Variants in NCALD observed in about 807,000 individuals in gnomAD.
NCALD encodes the protein neurocalcin-delta.
Under a neutral mutation model 18.6 loss-of-function variants are expected in NCALD, and 10 were observed. The observed-to-expected ratio is 0.54, with a 90% CI of 0.33 to 0.91. NCALD has a LOEUF of 0.91. NCALD is among the 40% of genes least tolerant of loss of function. The pLI is 0.03. For missense variants in NCALD, 184 were observed against 247.6 expected, an observed-to-expected ratio of 0.74 and a Z score of 1.72; for synonymous variants, 88 against 87.4, an observed-to-expected ratio of 1.01 and a Z score of -0.04.
chr8:102,080,115 G>C (rs551570895), intron 1 of NCALD, among the ~76,000 whole-genome samples: 5 of 152,038 alleles, frequency 3.3e-5, no homozygotes, highest in African/African-American at 4.8e-5. Context: ...AAAAAAATCC[G>C]CCCAAGGAAA....
chr8:102,084,810 A>C (rs912635027), intron 1 of NCALD, among the ~76,000 whole-genome samples: 3 of 152,296 alleles, frequency 2.0e-5, no homozygotes, highest in South Asian at 2.1e-4. Flanking sequence ...CTATTGGAAG[A>C]CTGCCTTTCC....
At chr8:101,778,430 A>T (rs183791691) in intron 1 of NCALD, among the ~76,000 whole-genome samples, 1 of 152,316 alleles carries the variant, frequency 6.6e-6, no homozygotes, top group East Asian at 1.9e-4. Flanking sequence ...GAGCAACAGA[A>T]CATCTGATAC....
At chr8:101,810,412 A>G (rs1369923276) in intron 4 of NCALD, among the ~76,000 whole-genome samples, 1 of 152,200 alleles carries the variant, frequency 6.6e-6, no homozygotes, top group Non-Finnish European at 1.5e-5. Context: ...AATAATTAAG[A>G]AATGTGCTAT....
intron 1 of NCALD, among the ~76,000 whole-genome samples, chr8:101,754,848 TTGAATGAATGAA>T (rs758322183): frequency 6.6e-6 from 1 of 151,892 alleles, no homozygotes; most frequent in Non-Finnish European, 1.5e-5. Flanking sequence ...CATATGTTTA[TTGAATGAATGAA>T]TGAATGAATA....
intron 2 of NCALD, among the ~76,000 whole-genome samples, chr8:101,922,262 A>G (rs917901674): frequency 5.9e-5 from 9 of 152,148 alleles, no homozygotes; most frequent in Non-Finnish European, 1.2e-4. Flanking sequence ...CTGACCTATG[A>G]TAGAACCCTG....
intron 1 of NCALD, among the ~76,000 whole-genome samples, chr8:102,095,914 G>T (rs1390154645): frequency 1.3e-5 from 2 of 152,156 alleles, no homozygotes; most frequent in African/African-American, 4.8e-5. Flanking sequence ...TCTTGCCAAA[G>T]CTTCTCTCTT....
chr8:102,009,649 T>A (rs1319277192), intron 2 of NCALD, among the ~76,000 whole-genome samples: 8 of 152,232 alleles, frequency 5.3e-5, no homozygotes, highest in Non-Finnish European at 1.0e-4. Context: ...TAAGAGAAGT[T>A]TTGAAGATCA....
chr8:101,830,768 T>G (rs1192716046), intron 4 of NCALD, among the ~76,000 whole-genome samples: 3 of 146,952 alleles, frequency 2.0e-5, no homozygotes, highest in Non-Finnish European at 4.5e-5. Context: ...TTAGACGGAG[T>G]CTGGCTCTGT....
chr8:102,121,909 T>G (rs1435497065), intron 1 of NCALD, among the ~76,000 whole-genome samples: 1 of 152,242 alleles, frequency 6.6e-6, no homozygotes, highest in Non-Finnish European at 1.5e-5. Context: ...ATTCTCTGTG[T>G]TTGATTCTGG....
At chr8:102,044,391 C>G (rs1823164358) in intron 1 of NCALD, among the ~76,000 whole-genome samples, 1 of 150,096 alleles carries the variant, frequency 6.7e-6, no homozygotes, top group African/African-American at 2.5e-5. Context: ...CTTAGCATAA[C>G]TTCTACAGGC....
chr8:101,739,736 A>G (rs1810103096), intron 1 of NCALD, among the ~76,000 whole-genome samples: 1 of 152,192 alleles, frequency 6.6e-6, no homozygotes, highest in Non-Finnish European at 1.5e-5. Context: ...CTTCAGCCAC[A>G]GACTGAAGGG....
At chr8:102,033,559 A>G (rs900239583) in intron 1 of NCALD, among the ~76,000 whole-genome samples, 90 of 152,300 alleles carry the variant, frequency 5.9e-4, no homozygotes, top group African/African-American at 2.0e-3. Flanking sequence ...TCAGCAGCAG[A>G]AACAAGAATG....
chr8:101,720,818 C>CT (rs576585846), intron 1 of NCALD, among the ~76,000 whole-genome samples: 5 of 152,228 alleles, frequency 3.3e-5, no homozygotes, highest in Non-Finnish European at 7.3e-5. Flanking sequence ...TAGAGACAAA[C>CT]TGCCTCAACA....
At chr8:102,060,486 C>A (rs1823811835) in intron 1 of NCALD, among the ~76,000 whole-genome samples, 1 of 152,132 alleles carries the variant, frequency 6.6e-6, no homozygotes, top group Non-Finnish European at 1.5e-5. Flanking sequence ...TAATTTCCTT[C>A]CTCCCTTCCC....
intron 2 of NCALD, among the ~76,000 whole-genome samples, chr8:102,008,916 C>CAACA (rs1821804749): frequency 4.7e-5 from 1 of 21,182 alleles, no homozygotes; most frequent in Admixed American, 4.2e-4. Flanking sequence ...CCCCGCCCCC[C>CAACA]TACACACACA....
At chr8:101,942,164 T>C (rs11778653) in intron 2 of NCALD, among the ~76,000 whole-genome samples, 67,067 of 151,772 alleles carry the variant, frequency 0.44, 15,113 homozygotes, top group Admixed American at 0.51. Flanking sequence ...GTGACACCCA[T>C]TCTCGGAACT....
At chr8:101,892,623 T>C (rs1485301171) in intron 3 of NCALD, among the ~76,000 whole-genome samples, 10 of 149,144 alleles carry the variant, frequency 6.7e-5, no homozygotes, top group Non-Finnish European at 1.2e-4. Flanking sequence ...GAAAAAAATA[T>C]AGAAGAATGT....
At chr8:102,058,326 T>G (rs995252446) in intron 1 of NCALD, among the ~76,000 whole-genome samples, 1 of 152,202 alleles carries the variant, frequency 6.6e-6, no homozygotes, top group Non-Finnish European at 1.5e-5. Flanking sequence ...CAAACTCCTG[T>G]CATTCACAGT....
intron 2 of NCALD, among the ~76,000 whole-genome samples, chr8:101,991,924 G>A (rs1444024885): frequency 6.6e-6 from 1 of 152,208 alleles, no homozygotes; most frequent in Admixed American, 6.5e-5. Flanking sequence ...CTGGGGACTT[G>A]CCATGTCACT....
Sources: allele counts gnomAD v4.1 joint callset (sites outside exome capture counted in the v4.1 genomes callset), GRCh38; gene constraint gnomAD v4.1.1; transcripts MANE v1.5; gene names NCBI Gene and HGNC (gene_info 2026-07-23, HGNC 2026-07-21).